Variants in CLIP4 observed in about 807,000 individuals in gnomAD.
CLIP4 encodes the protein CAP-Gly domain containing linker protein family member 4.
CLIP4 carries 47 observed loss-of-function variants against 73.1 expected under a neutral mutation model. The observed-to-expected ratio is 0.64, with a 90% confidence interval of 0.51 to 0.82. The LOEUF (loss-of-function observed/expected upper bound fraction) is 0.82. Among genes scored for constraint, CLIP4 ranks in the 40% least tolerant of loss-of-function variants. The probability of loss-of-function intolerance (pLI) is 0.00; values close to 1 mark genes in which losing one functional copy is unlikely to be tolerated. For missense variants in CLIP4, 874 were observed against 852.9 expected, an observed-to-expected ratio of 1.02 and a Z score of -0.31; for synonymous variants, 306 against 295.4, an observed-to-expected ratio of 1.04 and a Z score of -0.37.
chr2:29,110,374 A>G (rs540584004), intron 1 of CLIP4, among the ~76,000 whole-genome samples: 1 of 152,322 alleles, frequency 6.6e-6, no homozygotes, highest in South Asian at 2.1e-4. Flanking sequence ...ATTTGTAAGG[A>G]TTTCTATGGT....
At position 29,126,243 on chromosome 2, in the gene CLIP4, A is replaced by G. The variant is rs922186565; in HGVS notation, c.133+4722A>G. ...TTTAATCTCAAAAGCTTGCAACAGCATAAAAAATACTTTATTTTCCTTTAT... is the reference window on the plus strand; with the variant it reads ...TTTAATCTCAAAAGCTTGCAACAGCGTAAAAAATACTTTATTTTCCTTTAT... On this transcript the variant is annotated intron_variant, in intron 2 of 15. Transcript: ENST00000320081. Among the ~76,000 whole-genome samples the G allele has an allele frequency of 2.6e-5, 4 of 152,354 alleles. No homozygotes were observed. In the South Asian group the frequency reaches 6.2e-4, roughly 24 times the overall value.
At position 29,145,210 on chromosome 2, in the gene CLIP4, T is replaced by C. The variant is rs575913843; in HGVS notation, c.886-22T>C. The C allele has an allele frequency of 3.7e-6, 6 of 1,603,944 alleles. No individual in the cohort carries two copies. The South Asian group carries it at 4.5e-5, about 12-fold the overall frequency. On this transcript the variant is annotated intron_variant, in intron 7 of 15. Transcript: ENST00000320081. ...AATTACTAATAATTCCCCAAAATTA[T>C]TCTGGTTTATATTTTCTTTAGGTTG...
At chr2:29,157,172 C>T (rs1017672436) in intron 10 of CLIP4, 32 bp from the exon 11 acceptor site, 2 of 1,597,898 alleles carry the variant, frequency 1.3e-6, no homozygotes, top group East Asian at 2.2e-5. Flanking sequence ...ATCTTATTTT[C>T]CACCGTTTGA....
chr2:29,107,949 T>C (rs1235028258), intron 1 of CLIP4, among the ~76,000 whole-genome samples: 2 of 152,136 alleles, frequency 1.3e-5, no homozygotes, highest in Non-Finnish European at 2.9e-5. Flanking sequence ...ACTTAGGATA[T>C]AGCAGTGTTA....
intron 1 of CLIP4, among the ~76,000 whole-genome samples, chr2:29,102,962 C>T (rs1668094458): frequency 6.6e-6 from 1 of 152,064 alleles, no homozygotes; most frequent in South Asian, 2.1e-4. Flanking sequence ...ACCTCAGCAC[C>T]CTCCCTAAAA....
Position 29,115,519 on chromosome 2 carries a change from G to A in CLIP4, c.-162G>A, listed in dbSNP as rs1259287452. On this transcript the variant is annotated 5_prime_UTR_variant, in exon 1 of 16. Transcript: ENST00000320081. This position sits in a 1 kb window ranked among gnomAD's most constrained non-coding sequence, Gnocchi z 5.1. ...GCCCACCCCGCGTGGGAGGCAGCGG[G>A]AGGGGCCCGGAGAGGTGTGGAGCGG... 6.1e-5 allele frequency: 9 copies of A among 148,280 alleles called. No individual in the cohort carries two copies. In the East Asian group the frequency reaches 1.8e-3, roughly 29 times the overall value. 9.2% of individuals were successfully genotyped at this position (148,280 alleles called of 1,614,324 possible).
intron 11 of CLIP4, among the ~76,000 whole-genome samples, chr2:29,158,464 A>G (rs1667080231): frequency 6.6e-6 from 1 of 152,192 alleles, no homozygotes; most frequent in African/African-American, 2.4e-5. Context: ...CGACTTAAAC[A>G]ACAGTGAAGA....
chr2:29,167,193 T>A (rs976782202), intron 13 of CLIP4, among the ~76,000 whole-genome samples: 1 of 152,226 alleles, frequency 6.6e-6, no homozygotes, highest in African/African-American at 2.4e-5. Flanking sequence ...TTTTTTAGTT[T>A]CACCTTTGAA....
At chr2:29,116,705 T>C (rs1663879137) in intron 1 of CLIP4, among the ~76,000 whole-genome samples, 1 of 152,242 alleles carries the variant, frequency 6.6e-6, no homozygotes, top group African/African-American at 2.4e-5. Context: ...TTCGTAAATA[T>C]GATGCATTTT....
chr2:29,173,137 T>A (rs1194350585), intron 14 of CLIP4, among the ~76,000 whole-genome samples: 2 of 152,216 alleles, frequency 1.3e-5, no homozygotes, highest in Non-Finnish European at 2.9e-5. Context: ...CCTGGGTTGA[T>A]GCTTCCAGAG....
At chr2:29,100,063 T>G (rs35384193) in intron 1 of CLIP4, among the ~76,000 whole-genome samples, 5,570 of 152,258 alleles carry the variant, frequency 0.037, 156 homozygotes, top group Non-Finnish European at 0.053. Flanking sequence ...AATCTGTTTA[T>G]TTATTTTGAG....
intron 13 of CLIP4, among the ~76,000 whole-genome samples, chr2:29,165,975 CAAAAA>C (rs35611841): frequency 6.8e-5 from 10 of 146,190 alleles, no homozygotes; most frequent in Admixed American, 2.7e-4. Flanking sequence ...CCCTCTTCTT[CAAAAA>C]AAAAAAAATA....
At chr2:29,141,831 T>C (rs1665789667) in intron 6 of CLIP4, among the ~76,000 whole-genome samples, 1 of 152,158 alleles carries the variant, frequency 6.6e-6, no homozygotes, top group Non-Finnish European at 1.5e-5. Flanking sequence ...AATATTGATA[T>C]GTGAAGTTGA....
chr2:29,144,440 T>A (rs1186639042), intron 7 of CLIP4, among the ~76,000 whole-genome samples: 1 of 152,296 alleles, frequency 6.6e-6, no homozygotes, highest in Non-Finnish European at 1.5e-5. Context: ...TCCAGACACC[T>A]TTTTTCCTCC....
chr2:29,163,718 T>A (rs1667430287), intron 12 of CLIP4, 113 bp from the exon 13 acceptor site: 1 of 972,078 alleles, frequency 1.0e-6, no homozygotes, highest in Non-Finnish European at 1.5e-6. Flanking sequence ...TGATCTTCCC[T>A]CATTTTGGTC....
intron 15 of CLIP4, among the ~76,000 whole-genome samples, chr2:29,180,740 A>G (rs1192177905): frequency 1.3e-5 from 2 of 152,152 alleles, no homozygotes; most frequent in South Asian, 2.1e-4. Context: ...AACAGCCAAA[A>G]TACTAGATTC....
chr2:29,152,748 C>T lies in CLIP4; in HGVS notation c.1085C>T (p.Thr362Ile), dbSNP rs963735735. ...AKGRRKNITH[T>I]PSTKAAVPLI... is the part of the protein sequence containing the mutation. The stretch of plus-strand genomic sequence containing the variant: ...GGTCGAAGGAAGAATATAACACACA[C>T]TCCTTCTACAAAAGCTGCTGTACCT... Residue 362 changes from threonine (T) to isoleucine (I), a missense_variant, in exon 9 of 16, where the codon ACT becomes ATT. Thr to Ile is a moderately conservative substitution (Grantham distance 89). Transcript: ENST00000320081. The T allele has an allele frequency of 5.6e-6, 9 of 1,613,792 alleles. No homozygotes were observed. Among genetic ancestry groups the T allele is most frequent in the Non-Finnish European group, 7.6e-6 (9 of 1,179,806 alleles).
chr2:29,180,125 T>C (rs941712140), intron 15 of CLIP4, among the ~76,000 whole-genome samples: 3 of 152,188 alleles, frequency 2.0e-5, no homozygotes, highest in Non-Finnish European at 2.9e-5. Context: ...AAGTTCTGTG[T>C]TGAATATCCT....
At chr2:29,099,422 G>A (rs1667975456) in intron 1 of CLIP4, among the ~76,000 whole-genome samples, 1 of 152,172 alleles carries the variant, frequency 6.6e-6, no homozygotes, top group Admixed American at 6.5e-5. Flanking sequence ...ATTCGTATGT[G>A]GTTGTCCAGT....
Sources: gnomAD v4.1 joint callset for allele counts (sites outside exome capture counted in the v4.1 genomes callset) on GRCh38, gnomAD v4.1.1 for gene constraint, Gnocchi (gnomAD v3.1) non-coding constraint, MANE v1.5 for transcripts, NCBI Gene and HGNC (gene_info 2026-07-23, HGNC 2026-07-21) for gene names.